The following SEMA6A variants were observed in gnomAD, a reference collection of about 807,000 sequenced individuals.
SEMA6A encodes the protein semaphorin-6A.
SEMA6A carries 25 observed loss-of-function variants against 96.8 expected under a neutral mutation model. That is an observed-to-expected ratio of 0.26 (90% CI 0.19 to 0.36). The LOEUF (loss-of-function observed/expected upper bound fraction) is 0.36, where lower values mean the gene tolerates loss of function less well. Ranked by LOEUF, SEMA6A falls within the 10% of genes least tolerant of loss-of-function variation. SEMA6A has a pLI of 1.00. For missense variants in SEMA6A, 1,363 were observed against 1,323.1 expected (o/e 1.03, Z -0.47); for synonymous variants, 612 against 518.0 (o/e 1.18, Z -2.46).
intron 18 of SEMA6A, among the ~76,000 whole-genome samples, chr5:116,448,023 T>G (rs1344774517): frequency 1.3e-5 from 2 of 152,050 alleles, no homozygotes; most frequent in Non-Finnish European, 2.9e-5. Flanking sequence ...ATTTGTAGCC[T>G]TCTTTGTTGT....
chr5:116,524,538 G>A (rs986632019), intron 1 of SEMA6A, among the ~76,000 whole-genome samples: 4 of 151,632 alleles, frequency 2.6e-5, no homozygotes, highest in African/African-American at 4.9e-5. Flanking sequence ...TTACAAGCTC[G>A]GGTTGTGAAT....
In SEMA6A at chr5:116,478,033, G is replaced by A; in HGVS notation, c.1549C>T (p.Arg517Ter). ...ACATACTTTTTACACTTCCCATGTC[G>A]TTCACACCGGCCAAGGGGAACCTTT... ...VIKVPLGRCERHGKCKKTCIA... is the reference protein window; with the variant it reads ...VIKVPLGRCE The change falls in exon 14 of 19, where the codon CGA (arginine) becomes TGA (stop). Residue 517 changes from arginine to a stop codon, truncating the protein, a stop_gained. Transcript: ENST00000343348. LOFTEE classifies it high-confidence loss of function. The A allele has an allele frequency of 1.9e-6, 3 of 1,613,872 alleles. No individual in the cohort carries two copies. The highest frequency in any genetic ancestry group is 2.5e-6 in the Non-Finnish European group (3 of 1,179,844).
chr5:116,488,827 T>C lies in SEMA6A; in HGVS notation c.655+61A>G, dbSNP rs995086691. 15 of 1,480,812 alleles carry C rather than the reference T, an allele frequency of 1.0e-5. No individual in the cohort carries two copies. The African/African-American group carries it at 2.1e-4, about 21-fold the overall frequency. The allele number at this position is 1,480,812 out of a possible 1,614,324, so 91.7% of individuals were successfully genotyped here. A position where few individuals can be genotyped will look rare whatever the true frequency, so the allele number is the denominator to read the frequency against. ...CAGTCTGGTCCCTCCAGACTCTAAA[T>C]CTCCCACAAGATGTGTATTCCCCTC... is the stretch of plus-strand genomic sequence containing the variant. On this transcript the variant is annotated intron_variant, in intron 8 of 18. Coordinates refer to ENST00000343348, the MANE Select transcript of SEMA6A (RefSeq NM_020796.5).
chr5:116,573,897 A>T (rs1341307254), intron 1 of SEMA6A, among the ~76,000 whole-genome samples: 1 of 151,932 alleles, frequency 6.6e-6, no homozygotes, highest in Non-Finnish European at 1.5e-5. Flanking sequence ...AGGAACAGCC[A>T]TACGCGCCGT....
intron 16 of SEMA6A, among the ~76,000 whole-genome samples, chr5:116,475,314 C>A (rs542045841): frequency 6.6e-6 from 1 of 152,220 alleles, no homozygotes; most frequent in Admixed American, 6.5e-5. Flanking sequence ...TGAATTTTTT[C>A]CCCTGCATTA....
chr5:116,496,346 C>A lies in SEMA6A; in HGVS notation c.280-33G>T, dbSNP rs374859413. The A allele has an allele frequency of 4.4e-6, 7 of 1,596,408 alleles. No individual in the cohort carries two copies. In the African/African-American group the frequency reaches 8.1e-5, roughly 18 times the overall value. Reference sequence around the variant, plus strand: ...GATCAAGAAAGAAATCAATTAGAGCCCAGAGGTTGTTGCGTTTGATTTTAG... The same window carrying A: ...GATCAAGAAAGAAATCAATTAGAGCACAGAGGTTGTTGCGTTTGATTTTAG... On this transcript the variant is annotated intron_variant, in intron 4 of 18. Transcript: ENST00000343348.
At chr5:116,511,705 T>A (rs988184379) in intron 1 of SEMA6A, among the ~76,000 whole-genome samples, 7 of 152,200 alleles carry the variant, frequency 4.6e-5, no homozygotes, top group African/African-American at 1.7e-4. Flanking sequence ...TATGGCCCTG[T>A]GATTGCAGCC....
At chr5:116,527,533 G>T (rs1221502820) in intron 1 of SEMA6A, among the ~76,000 whole-genome samples, 2 of 152,154 alleles carry the variant, frequency 1.3e-5, no homozygotes, top group African/African-American at 4.8e-5. Flanking sequence ...GAAAGTATAA[G>T]GGAGGTTGAG....
chr5:116,570,034 G>T (rs1761147132), intron 1 of SEMA6A, among the ~76,000 whole-genome samples: 1 of 152,152 alleles, frequency 6.6e-6, no homozygotes. Flanking sequence ...AGTTTTGCAA[G>T]AGCTCATCTG....
At chr5:116,552,158 A>C (rs1170192493) in intron 1 of SEMA6A, among the ~76,000 whole-genome samples, 1 of 152,176 alleles carries the variant, frequency 6.6e-6, no homozygotes, top group Non-Finnish European at 1.5e-5. Flanking sequence ...TGCTCTTTAA[A>C]ATGTCCTAGA....
rs571281888 is a variant in SEMA6A, at chr5:116,515,944, T to C, written c.-38-10962A>G. 4.6e-4 allele frequency among the ~76,000 whole-genome samples: 70 copies of C among 152,312 alleles called. 1 individual carries two copies. The highest frequency in any genetic ancestry group is 1.6e-3 in the African/African-American group (67 of 41,586). ...AATGATTTAAACTTTGACCTAACCC[T>C]ATAAATCCTTACTGTTTTCTTGTTG... On this transcript the variant is annotated intron_variant, in intron 1 of 18. Transcript: ENST00000343348.
chr5:116,480,657 A>G (rs138815623), intron 11 of SEMA6A, among the ~76,000 whole-genome samples: 1 of 152,258 alleles, frequency 6.6e-6, no homozygotes, highest in African/African-American at 2.4e-5. Flanking sequence ...CATTTACTCT[A>G]CAGAGGGAAA....
intron 1 of SEMA6A, among the ~76,000 whole-genome samples, chr5:116,514,242 CCCA>C (rs1263058988): frequency 1.3e-5 from 2 of 152,206 alleles, no homozygotes; most frequent in Admixed American, 6.5e-5. Context: ...AATTTACACT[CCCA>C]CCAACAGTGT....
At chr5:116,526,065 G>T (rs77102221) in intron 1 of SEMA6A, among the ~76,000 whole-genome samples, 2 of 143,108 alleles carry the variant, frequency 1.4e-5, no homozygotes, top group Admixed American at 6.9e-5. Flanking sequence ...TTCACTCTTC[G>T]ATTGACTTGG....
At chr5:116,518,425 A>T (rs902385332) in intron 1 of SEMA6A, among the ~76,000 whole-genome samples, 19 of 152,262 alleles carry the variant, frequency 1.2e-4, no homozygotes, top group Admixed American at 2.6e-4. Flanking sequence ...AATCAAATTT[A>T]AAAATCACCA....
At chr5:116,479,747 C>T (rs985487671) in intron 12 of SEMA6A, among the ~76,000 whole-genome samples, 2 of 152,220 alleles carry the variant, frequency 1.3e-5, no homozygotes, top group Non-Finnish European at 1.5e-5. Flanking sequence ...GAGCCATGCT[C>T]AGGTGGAATC....
At chr5:116,548,141 AC>A (rs2112878163) in intron 1 of SEMA6A, among the ~76,000 whole-genome samples, 1 of 152,332 alleles carries the variant, frequency 6.6e-6, no homozygotes, top group South Asian at 2.1e-4. Flanking sequence ...ATACAGCTGG[AC>A]ACTACAGGCC....
intron 1 of SEMA6A, among the ~76,000 whole-genome samples, chr5:116,511,060 G>A (rs1434464932): frequency 6.6e-6 from 1 of 152,204 alleles, no homozygotes; most frequent in African/African-American, 2.4e-5. Flanking sequence ...GCAGCACATA[G>A]TAAATACAGT....
intron 1 of SEMA6A, among the ~76,000 whole-genome samples, chr5:116,557,600 T>TA (rs1418456776): frequency 2.0e-5 from 3 of 152,276 alleles, no homozygotes; most frequent in Non-Finnish European, 4.4e-5. Flanking sequence ...AAAGTGAAGT[T>TA]AATTGGTTAA....
Sources: gnomAD v4.1 joint callset for allele counts (sites outside exome capture counted in the v4.1 genomes callset) on GRCh38, gnomAD v4.1.1 for gene constraint, MANE v1.5 for transcripts, NCBI Gene and HGNC (gene_info 2026-07-23, HGNC 2026-07-21) for gene names.